Variants in KAZN observed in about 807,000 individuals in gnomAD.
The protein encoded by KAZN is kazrin.
KAZN carries 40 observed loss-of-function variants against 87.4 expected under a neutral mutation model. The observed-to-expected ratio is 0.46, with a 90% CI of 0.36 to 0.60. The LOEUF (loss-of-function observed/expected upper bound fraction) is 0.60. KAZN is among the 20% of genes least tolerant of loss of function. The probability of loss-of-function intolerance (pLI) is 0.00; values close to 1 mark genes in which losing one functional copy is unlikely to be tolerated. For missense variants in KAZN, 898 were observed against 1,073.9 expected, an observed-to-expected ratio of 0.84 and a Z score of 2.29; for synonymous variants, 466 against 458.3, an observed-to-expected ratio of 1.02 and a Z score of -0.22.
Position 15,094,857 on chromosome 1 carries a change from G to C in KAZN, c.1471G>C (p.Gly491Arg). ...TGACGAGGACCTGCAGCTGGGCCTT[G>C]GGGTGTGCAGCTCCCTGCACCGGCG... The part of the protein sequence containing the change: ...LSDEDLQLGL[G>R]VCSSLHRRKL... The change falls in exon 10 of 15, where the codon GGG becomes CGG. Residue 491 changes from glycine (G) to arginine (R), a missense_variant. By Grantham distance (125) the Gly-to-Arg change is moderately radical (BLOSUM62 -2). Around this residue, in one of 3 missense-constraint regions of KAZN, gnomAD observed 521 missense variants for 689.4 expected, o/e 0.76. Transcript: ENST00000376030. This position sits in a 1 kb window ranked among gnomAD's most constrained non-coding sequence, Gnocchi z 4.5. The C allele has an allele frequency of 6.4e-7, 1 of 1,550,708 alleles. No individual in the cohort carries two copies. Among genetic ancestry groups the C allele is most frequent in the Non-Finnish European group, 8.7e-7 (1 of 1,146,782 alleles).
chr1:13,946,018 G>A (rs549320919), intron 1 of KAZN, among the ~76,000 whole-genome samples: 1 of 152,342 alleles, frequency 6.6e-6, no homozygotes, highest in Admixed American at 6.5e-5. Flanking sequence ...GCAGTGGTTA[G>A]ACAATCTGGG....
chr1:14,972,045 C>G (rs1346412106), intron 2 of KAZN, among the ~76,000 whole-genome samples: 1 of 152,132 alleles, frequency 6.6e-6, no homozygotes, highest in Non-Finnish European at 1.5e-5. Flanking sequence ...TTTAATTAAT[C>G]CACCCCTCCC....
chr1:14,530,124 G>C (rs1172285898), intron 2 of KAZN, among the ~76,000 whole-genome samples: 1 of 152,200 alleles, frequency 6.6e-6, no homozygotes, highest in Admixed American at 6.5e-5. Flanking sequence ...ACGGAAACCA[G>C]CAAAAAGGCA....
At chr1:13,893,844 TG>T in intron 1 of KAZN, 1 of 1,439,896 alleles carries the variant, frequency 6.9e-7, no homozygotes. Context: ...TGTGTGTGTC[TG>T]TGTGTCTGTC....
At chr1:13,923,365 A>G (rs888845538) in intron 1 of KAZN, among the ~76,000 whole-genome samples, 1 of 152,006 alleles carries the variant, frequency 6.6e-6, no homozygotes, top group African/African-American at 2.4e-5. Context: ...CGAGGTCAGG[A>G]GATTGAGACC....
intron 1 of KAZN, among the ~76,000 whole-genome samples, chr1:14,706,445 T>G (rs1438045139): frequency 6.6e-6 from 1 of 151,766 alleles, no homozygotes; most frequent in African/African-American, 2.4e-5. Context: ...CAATAATATA[T>G]TATACAGTGT....
intron 2 of KAZN, among the ~76,000 whole-genome samples, chr1:14,566,502 G>T (rs535108119): frequency 2.2e-4 from 33 of 152,314 alleles, no homozygotes; most frequent in Middle Eastern, 3.4e-3. Context: ...TGCATTAGAT[G>T]CTAACAAGAG....
At chr1:14,034,368 T>C (rs1209442794) in intron 1 of KAZN, among the ~76,000 whole-genome samples, 1 of 152,216 alleles carries the variant, frequency 6.6e-6, no homozygotes, top group African/African-American at 2.4e-5. Flanking sequence ...ACAAGAGTCC[T>C]GTTTGGCCAG....
chr1:14,288,229 G>A (rs1408488854), intron 2 of KAZN, among the ~76,000 whole-genome samples: 1 of 152,136 alleles, frequency 6.6e-6, no homozygotes, highest in Admixed American at 6.5e-5. Context: ...TTTTTCTATT[G>A]ATTGGAATAG....
At chr1:14,462,519 G>C (rs1046183831) in intron 2 of KAZN, among the ~76,000 whole-genome samples, 1 of 152,116 alleles carries the variant, frequency 6.6e-6, no homozygotes, top group Non-Finnish European at 1.5e-5. Context: ...CCTTTTGCTT[G>C]GGGGGCTTAG....
At chr1:14,281,607 CCCTT>C (rs999202590) in intron 2 of KAZN, among the ~76,000 whole-genome samples, 2 of 152,174 alleles carry the variant, frequency 1.3e-5, no homozygotes, top group Non-Finnish European at 2.9e-5. Context: ...CTGATATGCA[CCCTT>C]CCTTCTCCCA....
intron 3 of KAZN, among the ~76,000 whole-genome samples, chr1:15,042,130 G>A (rs1468118992): frequency 6.6e-6 from 1 of 152,204 alleles, no homozygotes; most frequent in Non-Finnish European, 1.5e-5. Context: ...CTGTTCGTGA[G>A]TAGTAGTGTG....
At position 14,945,795 on chromosome 1, in the gene KAZN, C is replaced by G. The variant is rs936652288; in HGVS notation, c.227-14889C>G. The G allele has an allele frequency of 3.7e-6, 3 of 816,310 alleles. No individual in the cohort carries two copies. The South Asian group carries it at 1.7e-4, about 46-fold the overall frequency. The allele number at this position is 816,310 out of a possible 1,614,324, so 50.6% of individuals were successfully genotyped here. A position where few individuals can be genotyped will look rare whatever the true frequency, so the allele number is the denominator to read the frequency against. ...TGCCCCGCAGCACTTTCAAGCTCCA[C>G]GGCCTCGAGAGCCTCCCACCAAAGG... On this transcript the variant is annotated intron_variant, in intron 1 of 14. Transcript: ENST00000376030.
At chr1:14,090,031 C>T (rs1643940160) in intron 1 of KAZN, among the ~76,000 whole-genome samples, 2 of 150,982 alleles carry the variant, frequency 1.3e-5, no homozygotes, top group South Asian at 4.2e-4. Flanking sequence ...TTTCCTGTGG[C>T]AGCTTTTAAG....
At chr1:14,822,353 G>GAGGGAGAAAGC (rs57798276) in intron 1 of KAZN, among the ~76,000 whole-genome samples, 24 of 151,726 alleles carry the variant, frequency 1.6e-4, no homozygotes, top group African/African-American at 5.6e-4. Flanking sequence ...ACAAAAGCAG[G>GAGGGAGAAAGC]AGGGAGAAAA....
chr1:14,388,241 T>C (rs1264458992), intron 2 of KAZN, among the ~76,000 whole-genome samples: 1 of 152,092 alleles, frequency 6.6e-6, no homozygotes, highest in African/African-American at 2.4e-5. Flanking sequence ...ATGAACCCGG[T>C]ACCTCAGATG....
intron 2 of KAZN, among the ~76,000 whole-genome samples, chr1:14,417,461 C>T (rs372682448): frequency 1.3e-5 from 2 of 152,104 alleles, no homozygotes; most frequent in African/African-American, 4.8e-5. Flanking sequence ...ATAAGGAAAC[C>T]AATTTCAGCT....
At chr1:14,502,325 C>T (rs1479987376) in intron 2 of KAZN, among the ~76,000 whole-genome samples, 1 of 152,174 alleles carries the variant, frequency 6.6e-6, no homozygotes, top group Non-Finnish European at 1.5e-5. Flanking sequence ...CATTCATTCA[C>T]CACATATCAA....
intron 1 of KAZN, among the ~76,000 whole-genome samples, chr1:14,056,216 T>C (rs1324492200): frequency 6.6e-6 from 1 of 152,242 alleles, no homozygotes; most frequent in East Asian, 1.9e-4. Flanking sequence ...ACTGTGAATA[T>C]GCTACTTTAC....
Sources: gnomAD v4.1 joint callset for allele counts (sites outside exome capture counted in the v4.1 genomes callset) on GRCh38, gnomAD v4.1.1 for gene constraint, gnomAD v4.1.1 regional missense constraint, Gnocchi (gnomAD v3.1) non-coding constraint, MANE v1.5 for transcripts, NCBI Gene and HGNC (gene_info 2026-07-23, HGNC 2026-07-21) for gene names.